The following DCAF1 variants were observed in gnomAD, a reference collection of about 807,000 sequenced individuals.
The protein encoded by DCAF1 is DDB1 and CUL4 associated factor 1.
A neutral mutation model predicts 128.0 loss-of-function variants in DCAF1; 15 were observed. That is an observed-to-expected ratio of 0.12 (90% CI 0.08 to 0.18). The LOEUF (loss-of-function observed/expected upper bound fraction) is 0.18. Among genes scored for constraint, DCAF1 ranks in the 10% least tolerant of loss-of-function variants. The pLI is 1.00. For missense variants in DCAF1, 988 were observed against 1,649.5 expected (o/e 0.60, Z 6.95); for synonymous variants, 610 against 603.0 (o/e 1.01, Z -0.17).
intron 4 of DCAF1, among the ~76,000 whole-genome samples, chr3:51,470,115 G>A (rs190943143): frequency 4.1e-4 from 63 of 152,268 alleles, no homozygotes; most frequent in Middle Eastern, 3.4e-3. Context: ...AGACATAAGC[G>A]TCAAGGTTCC....
intron 3 of DCAF1, among the ~76,000 whole-genome samples, chr3:51,481,038 G>C (rs1186954054): frequency 6.6e-6 from 1 of 152,142 alleles, no homozygotes; most frequent in African/African-American, 2.4e-5. Context: ...GTGCTCATGG[G>C]TTTTCTAAGG....
intron 24 of DCAF1, among the ~76,000 whole-genome samples, chr3:51,399,875 G>C (rs781903476): frequency 3.3e-5 from 5 of 151,994 alleles, no homozygotes; most frequent in Non-Finnish European, 7.4e-5. Flanking sequence ...ATGTGGTAAG[G>C]GGCAGCCACT....
chr3:51,409,069 G>C (rs552318615), intron 23 of DCAF1, among the ~76,000 whole-genome samples: 30 of 152,246 alleles, frequency 2.0e-4, no homozygotes, highest in Admixed American at 1.8e-3. Flanking sequence ...GCAGCCTCTT[G>C]CTTTCCTTCC....
At chr3:51,490,554 C>T (rs1707514963) in intron 2 of DCAF1, among the ~76,000 whole-genome samples, 1 of 152,192 alleles carries the variant, frequency 6.6e-6, no homozygotes, top group Non-Finnish European at 1.5e-5. Flanking sequence ...ATTCTGTGTT[C>T]ATGGATTAGA....
intron 6 of DCAF1, among the ~76,000 whole-genome samples, chr3:51,448,044 T>C (rs782014567): frequency 7.9e-5 from 12 of 152,222 alleles, no homozygotes; most frequent in Non-Finnish European, 1.2e-4. Context: ...GTTTGCTCTG[T>C]TTGATTATTT....
intron 1 of DCAF1, among the ~76,000 whole-genome samples, chr3:51,499,602 G>A (rs1460167443): frequency 6.6e-6 from 1 of 151,544 alleles, no homozygotes; most frequent in Non-Finnish European, 1.5e-5. Flanking sequence ...CCCCCACTCC[G>A]GGCGGAAGAG....
rs554591905 is a variant in DCAF1 at position 51,499,421 on chromosome 3, G to A, written c.-56+452C>T. On this transcript the variant is annotated intron_variant, in intron 1 of 24. Transcript: ENST00000684031. ...CCGAGAGACGGGAGAGCCCGCCCAGGTGACTGGAGCTGGAGGCGGAGACAC... is the reference window on the plus strand; with the variant it reads ...CCGAGAGACGGGAGAGCCCGCCCAGATGACTGGAGCTGGAGGCGGAGACAC... Among the ~76,000 whole-genome samples the A allele has an allele frequency of 2.6e-3, 396 of 152,328 alleles. 1 individual carries two copies. The highest frequency in any genetic ancestry group is 3.8e-3 in the Non-Finnish European group (256 of 68,028).
intron 24 of DCAF1, among the ~76,000 whole-genome samples, chr3:51,399,323 T>A (rs1285133037): frequency 6.6e-6 from 1 of 152,128 alleles, no homozygotes; most frequent in African/African-American, 2.4e-5. Context: ...CCTTCAATCC[T>A]CAGAAGACCG....
At chr3:51,472,766 G>T (rs1259448677) in intron 3 of DCAF1, among the ~76,000 whole-genome samples, 3 of 151,670 alleles carry the variant, frequency 2.0e-5, no homozygotes, top group Non-Finnish European at 4.4e-5. Flanking sequence ...CCAGGTTCAA[G>T]CGATTCTGCT....
At position 51,483,835 on chromosome 3, in the gene DCAF1, G is replaced by A. The variant is rs1553654085; in HGVS notation, c.-7C>T. 4.4e-6 allele frequency: 7 copies of A among 1,592,274 alleles called. No individual in the cohort carries two copies. The highest frequency in any genetic ancestry group is 5.2e-6 in the Non-Finnish European group (6 of 1,164,986). On this transcript the variant is annotated splice_region_variant and 5_prime_UTR_variant, in exon 3 of 25. Coordinates refer to ENST00000684031, the MANE Select transcript of DCAF1 (RefSeq NM_001387579.1). ...GTACCACTACTGTAGTCATGGCTTT[G>A]CCTAAGGAAGCAAAAATAAAAATAA... is the stretch of plus-strand genomic sequence containing the variant.
chr3:51,421,349 C>T (rs782110390), intron 14 of DCAF1, among the ~76,000 whole-genome samples: 10 of 152,124 alleles, frequency 6.6e-5, no homozygotes, highest in Non-Finnish European at 1.5e-4. Context: ...CTCCGCCTCC[C>T]GAGTTCAAGT....
At chr3:51,497,788 C>T (rs1387130249) in intron 1 of DCAF1, among the ~76,000 whole-genome samples, 3 of 152,086 alleles carry the variant, frequency 2.0e-5, no homozygotes, top group African/African-American at 7.2e-5. Flanking sequence ...GAGGCTGAGG[C>T]AGCAGGCTCC....
At chr3:51,500,389 G>A (rs879998930), upstream of DCAF1, among the ~76,000 whole-genome samples, 1 of 152,130 alleles carries the variant, frequency 6.6e-6, no homozygotes, top group Admixed American at 6.6e-5. Context: ...TCAGTGTCTT[G>A]TTCTGACCTG....
At chr3:51,450,275 T>C (rs1407312688) in intron 6 of DCAF1, among the ~76,000 whole-genome samples, 1 of 152,258 alleles carries the variant, frequency 6.6e-6, no homozygotes, top group East Asian at 1.9e-4. Flanking sequence ...TAACTCATTT[T>C]ATGATGCCAG....
Position 51,420,951 on chromosome 3 carries a change from A to G in DCAF1, c.2019T>C (p.His673=), listed in dbSNP as rs782381677. 1.9e-6 allele frequency: 3 copies of G among 1,614,002 alleles called. No individual in the cohort carries two copies. The highest frequency in any genetic ancestry group is 1.7e-6 in the Non-Finnish European group (2 of 1,179,886). The change falls in exon 15 of 25, where the codon CAT becomes CAC. Residue 673 remains histidine (H), a synonymous_variant. Coordinates refer to ENST00000684031, the MANE Select transcript of DCAF1 (RefSeq NM_001387579.1). This position sits in a 1 kb window ranked among gnomAD's most constrained non-coding sequence, Gnocchi z 6.5. ...GTGCTGACTTCTGAATTTCAGCATC[A>G]TGGATGAAGAACTCACCCTCAGCCA... ...LGVAEGEFFI[H]DAEIQKSALQ...
At chr3:51,503,505 C>T (rs1225013309), upstream of DCAF1, among the ~76,000 whole-genome samples, 1 of 152,218 alleles carries the variant, frequency 6.6e-6, no homozygotes, top group African/African-American at 2.4e-5. Flanking sequence ...GCGCTTCCTC[C>T]AGCAATTCCC....
At chr3:51,427,611 A>T (rs985215002) in intron 12 of DCAF1, 70 bp from the exon 13 acceptor site, 10 of 462,994 alleles carry the variant, frequency 2.2e-5, no homozygotes, top group African/African-American at 2.0e-4. Context: ...CCTTGAGCAC[A>T]GCTCACTGGC....
At chr3:51,424,838 G>A (rs1699763992) in intron 13 of DCAF1, among the ~76,000 whole-genome samples, 1 of 152,148 alleles carries the variant, frequency 6.6e-6, no homozygotes, top group South Asian at 2.1e-4. Context: ...ATAAAAACAT[G>A]AGTGGGGAGA....
chr3:51,418,972 G>A (rs1553631541), intron 15 of DCAF1, 96 bp from the exon 16 acceptor site: 1 of 1,422,976 alleles, frequency 7.0e-7, no homozygotes. Context: ...GAACATTAAT[G>A]TTTCAAATGG....
Sources: allele counts gnomAD v4.1 joint callset (sites outside exome capture counted in the v4.1 genomes callset), GRCh38; gene constraint gnomAD v4.1.1; non-coding constraint Gnocchi (gnomAD v3.1); transcripts MANE v1.5; gene names NCBI Gene and HGNC (gene_info 2026-07-23, HGNC 2026-07-21).